Variants in PRKAR2A observed in about 807,000 individuals in gnomAD.
The protein encoded by PRKAR2A is protein kinase cAMP-dependent type II regulatory subunit alpha, also known as cAMP-dependent protein kinase type II-alpha regulatory subunit.
A neutral mutation model predicts 51.9 loss-of-function variants in PRKAR2A; 29 were observed. The ratio of observed to expected loss-of-function variants is 0.56; its 90% CI spans 0.42 to 0.76. The LOEUF (loss-of-function observed/expected upper bound fraction) is 0.76. PRKAR2A is among the 30% of genes least tolerant of loss of function. PRKAR2A has a pLI of 0.00. For synonymous variants in PRKAR2A, 178 were observed against 186.2 expected (o/e 0.96, Z 0.36); for missense variants, 445 against 512.1 (o/e 0.87, Z 1.26).
chr3:48,826,266 C>CA (rs1279209551), intron 1 of PRKAR2A, among the ~76,000 whole-genome samples: 1 of 152,020 alleles, frequency 6.6e-6, no homozygotes, highest in Non-Finnish European at 1.5e-5. Flanking sequence ...ACCCTTGTCT[C>CA]AAAAAAATTC....
intron 2 of PRKAR2A, among the ~76,000 whole-genome samples, chr3:48,806,937 A>AT (rs2082683578): frequency 6.6e-6 from 1 of 151,802 alleles, no homozygotes; most frequent in African/African-American, 2.4e-5. Context: ...TGCCTGGCTA[A>AT]TTTTTTTGTA....
chr3:48,786,373 C>A (rs1166529966), intron 4 of PRKAR2A, among the ~76,000 whole-genome samples: 1 of 150,782 alleles, frequency 6.6e-6, no homozygotes, highest in African/African-American at 2.4e-5. Context: ...GATCTGCCCG[C>A]CTCGGCCTCC....
intron 6 of PRKAR2A, among the ~76,000 whole-genome samples, chr3:48,769,208 A>G (rs1451376171): frequency 2.1e-5 from 3 of 139,964 alleles, no homozygotes; most frequent in African/African-American, 8.1e-5. Flanking sequence ...CCCAGGCTGG[A>G]GTGCAGTGGC....
In PRKAR2A at chr3:48,792,989, G is replaced by GT. The variant is rs57029736; in HGVS notation, c.351+1007dup. On this transcript the variant is annotated intron_variant, in intron 3 of 10. Transcript: ENST00000265563. ...ATTGTACAGAAGTTTAAAACACTAA[G>GT]TTTTTTTTTTTTTTTAAAAGCACCC... Among the ~76,000 whole-genome samples, 490 of 140,838 alleles carry GT rather than the reference G, an allele frequency of 3.5e-3. 1 individual carries two copies. The highest frequency in any genetic ancestry group is 7.2e-3 in the East Asian group (35 of 4,838). The allele number at this position is 140,838 out of a possible 152,430, so 92.4% of individuals were successfully genotyped here.
At chr3:48,822,928 T>C (rs1404306838) in intron 1 of PRKAR2A, among the ~76,000 whole-genome samples, 1 of 152,142 alleles carries the variant, frequency 6.6e-6, no homozygotes, top group Non-Finnish European at 1.5e-5. Context: ...TGAATATACC[T>C]TGTTTTATAG....
chr3:48,772,225 T>C (rs552606274), intron 6 of PRKAR2A, among the ~76,000 whole-genome samples: 1 of 152,330 alleles, frequency 6.6e-6, no homozygotes, highest in South Asian at 2.1e-4. Flanking sequence ...TCTGAACCAG[T>C]AGTTAGCACC....
At chr3:48,775,187 C>T in intron 5 of PRKAR2A, among the ~76,000 whole-genome samples, 1 of 151,830 alleles carries the variant, frequency 6.6e-6, no homozygotes. Context: ...GCCTATAATC[C>T]CAGCGCTTTG....
At chr3:48,819,815 C>T (rs542233347) in intron 1 of PRKAR2A, among the ~76,000 whole-genome samples, 7 of 152,290 alleles carry the variant, frequency 4.6e-5, no homozygotes, top group Admixed American at 1.3e-4. Context: ...AGGCTGAAGG[C>T]CACAACAGTG....
intron 9 of PRKAR2A, among the ~76,000 whole-genome samples, chr3:48,755,924 G>A (rs1466297508): frequency 1.3e-5 from 2 of 151,728 alleles, no homozygotes; most frequent in Admixed American, 6.6e-5. Context: ...GACTACAGGC[G>A]CCCGCCACCA....
chr3:48,796,317 G>A (rs548576608), intron 2 of PRKAR2A, among the ~76,000 whole-genome samples: 2 of 152,154 alleles, frequency 1.3e-5, no homozygotes, highest in African/African-American at 2.4e-5. Flanking sequence ...CAGTAAGGAG[G>A]CAACTTGAAC....
chr3:48,751,848 G>A (rs2081653360), intron 10 of PRKAR2A, 130 bp from the exon 11 acceptor site: 3 of 1,104,672 alleles, frequency 2.7e-6, no homozygotes. Context: ...TGCAAAAAGG[G>A]ATGTTTCTAT....
chr3:48,798,231 G>A (rs2082527850), intron 2 of PRKAR2A, among the ~76,000 whole-genome samples: 2 of 152,152 alleles, frequency 1.3e-5, no homozygotes, highest in African/African-American at 4.8e-5. Context: ...GGGATTACAA[G>A]TGTGAGCCAC....
intron 8 of PRKAR2A, among the ~76,000 whole-genome samples, chr3:48,760,431 A>G (rs1434418392): frequency 3.3e-5 from 5 of 152,126 alleles, no homozygotes; most frequent in African/African-American, 9.6e-5. Flanking sequence ...AATCTTAGCT[A>G]CTTGGGAGGT....
intron 1 of PRKAR2A, among the ~76,000 whole-genome samples, chr3:48,840,591 TTTTG>T (rs2083362872): frequency 7.8e-6 from 1 of 127,586 alleles, no homozygotes; most frequent in Admixed American, 7.8e-5. Context: ...TTTTTTTTTT[TTTTG>T]AGACGGAGTC....
At chr3:48,800,903 G>A (rs1164434025) in intron 2 of PRKAR2A, among the ~76,000 whole-genome samples, 5 of 152,124 alleles carry the variant, frequency 3.3e-5, no homozygotes, top group East Asian at 3.9e-4. Flanking sequence ...TCCATCTCCC[G>A]ACCTCGTGAT....
Position 48,847,449 on chromosome 3 carries a change from G to C in PRKAR2A, c.148C>G (p.Leu50Val). 3 of 1,577,174 alleles carry C rather than the reference G, an allele frequency of 1.9e-6. No individual in the cohort carries two copies. The highest frequency in any genetic ancestry group is 2.6e-6 in the Non-Finnish European group (3 of 1,161,436). Residue 50 changes from leucine (L) to valine (V), a missense_variant, in exon 1 of 11, where the codon CTG becomes GTG. By Grantham distance (32) the Leu-to-Val change is conservative. Coordinates refer to ENST00000265563, the MANE Select transcript of PRKAR2A (RefSeq NM_004157.4). The surrounding 1 kb of genome is among the most constrained non-coding windows in gnomAD (Gnocchi z 4.4). ...LREARAPASV[L>V]PAATPRQSLG... ...CTCTGGCGTGGGGTGGCGGCGGGCA[G>C]GACTGAGGCTGGGGCGCGGGCCTCG...
chr3:48,838,821 A>G (rs1016647790), intron 1 of PRKAR2A, among the ~76,000 whole-genome samples: 2 of 151,486 alleles, frequency 1.3e-5, no homozygotes, highest in African/African-American at 4.9e-5. Flanking sequence ...TACTAAAAAA[A>G]AAAATACAAA....
rs559596884 is a variant in PRKAR2A at position 48,823,678 on chromosome 3, G to A, written c.263-15994C>T. ...GCGCACGTCTGTGGTCCCAGCTACT[G>A]GGGAGGCCAAGGTGGGAGGATTGCT... On this transcript the variant is annotated intron_variant, in intron 1 of 10. Transcript: ENST00000265563. Among the ~76,000 whole-genome samples, 4 of 148,934 alleles carry A rather than the reference G, an allele frequency of 2.7e-5. No homozygotes were observed. In the South Asian group the frequency reaches 8.6e-4, roughly 32 times the overall value.
At chr3:48,835,114 G>C (rs1046109753) in intron 1 of PRKAR2A, among the ~76,000 whole-genome samples, 9 of 151,982 alleles carry the variant, frequency 5.9e-5, no homozygotes, top group African/African-American at 2.2e-4. Context: ...TGGGACTACA[G>C]ATGTACACCA....
Sources: gnomAD v4.1 joint callset for allele counts (sites outside exome capture counted in the v4.1 genomes callset) on GRCh38, gnomAD v4.1.1 for gene constraint, Gnocchi (gnomAD v3.1) non-coding constraint, MANE v1.5 for transcripts, NCBI Gene and HGNC (gene_info 2026-07-23, HGNC 2026-07-21) for gene names.